The following SLC4A4 variants were observed in gnomAD, a reference collection of about 807,000 sequenced individuals.
SLC4A4 encodes electrogenic sodium bicarbonate cotransporter 1.
Under a neutral mutation model 111.5 loss-of-function variants are expected in SLC4A4, and 27 were observed. The ratio of observed to expected loss-of-function variants is 0.24; its 90% CI spans 0.18 to 0.33. The LOEUF (loss-of-function observed/expected upper bound fraction) is 0.33, where lower values mean the gene tolerates loss of function less well. Ranked by LOEUF, SLC4A4 falls within the 10% of genes least tolerant of loss-of-function variation. The probability of loss-of-function intolerance (pLI) is 1.00; values close to 1 mark genes in which losing one functional copy is unlikely to be tolerated. For missense variants in SLC4A4, 909 were observed against 1,315.5 expected, an observed-to-expected ratio of 0.69 and a Z score of 4.78; for synonymous variants, 443 against 463.4, an observed-to-expected ratio of 0.96 and a Z score of 0.57.
chr4:71,466,590 A>G lies in SLC4A4; in HGVS notation c.1631+13A>G. On this transcript the variant is annotated intron_variant, in intron 13 of 25. Coordinates refer to ENST00000264485, the MANE Select transcript of SLC4A4 (RefSeq NM_001098484.3). ...TTAATTTCAGCAAGTATGTACATAC[A>G]TATTTAATTGCAAATTAGAATTGCT... The G allele has an allele frequency of 1.2e-6, 2 of 1,612,366 alleles. No individual in the cohort carries two copies. The highest frequency in any genetic ancestry group is 2.2e-5 in the East Asian group (1 of 44,740).
intron 2 of SLC4A4, among the ~76,000 whole-genome samples, chr4:71,119,217 C>T (rs1366620209): frequency 2.0e-5 from 3 of 152,122 alleles, no homozygotes; most frequent in East Asian, 1.9e-4. Flanking sequence ...AATAAAGTTG[C>T]CCTAAAACAT....
At chr4:71,482,576 T>TA (rs1476514241) in intron 14 of SLC4A4, among the ~76,000 whole-genome samples, 14 of 151,638 alleles carry the variant, frequency 9.2e-5, no homozygotes, top group Non-Finnish European at 1.3e-4. Flanking sequence ...TCCTTGTTTT[T>TA]ATGCAGAAAA....
intron 3 of SLC4A4, among the ~76,000 whole-genome samples, chr4:71,269,751 A>G (rs1307084860): frequency 6.6e-6 from 1 of 152,190 alleles, no homozygotes; most frequent in East Asian, 1.9e-4. Flanking sequence ...CCCATATTTT[A>G]CAAATGAAGA....
intron 2 of SLC4A4, among the ~76,000 whole-genome samples, chr4:71,129,878 G>A (rs1743656499): frequency 6.7e-6 from 1 of 150,326 alleles, no homozygotes; most frequent in Admixed American, 6.6e-5. Context: ...AACTAACACA[G>A]GAACAGAAAA....
intron 2 of SLC4A4, among the ~76,000 whole-genome samples, chr4:71,156,588 G>GCACACACACACACACACA (rs1553957345): frequency 9.4e-5 from 13 of 138,572 alleles, no homozygotes; most frequent in African/African-American, 3.5e-4. Flanking sequence ...GCGCGCGCGC[G>GCACACACACACACACACA]CACACACACA....
At chr4:71,263,366 G>A (rs569085427) in intron 3 of SLC4A4, among the ~76,000 whole-genome samples, 14 of 152,154 alleles carry the variant, frequency 9.2e-5, no homozygotes, top group South Asian at 4.2e-4. Context: ...TTCAAATGGT[G>A]ACTTACCTCT....
At chr4:71,405,911 G>C (rs1191418747) in intron 7 of SLC4A4, among the ~76,000 whole-genome samples, 1 of 149,066 alleles carries the variant, frequency 6.7e-6, no homozygotes, top group African/African-American at 2.5e-5. Flanking sequence ...CTAATCACTT[G>C]TATTCTGAAG....
At position 71,568,121 on chromosome 4, in the gene SLC4A4, G is replaced by A. The variant is rs1030800159; in HGVS notation, c.*370G>A. 6 of 409,022 alleles carry A rather than the reference G, an allele frequency of 1.5e-5. No homozygotes were observed. The highest frequency in any genetic ancestry group is 2.6e-5 in the Non-Finnish European group (6 of 230,338). The allele number at this position is 409,022 out of a possible 1,614,324, so 25.3% of individuals were successfully genotyped here. ...CTTTTGTTCTTAAACTTTCAGATGT[G>A]TCCTTTGATAACCAAATTCTGTCAC... On this transcript the variant is annotated 3_prime_UTR_variant, in exon 26 of 26. Transcript: ENST00000264485.
At chr4:71,476,414 T>A (rs948159376) in intron 14 of SLC4A4, among the ~76,000 whole-genome samples, 4 of 151,746 alleles carry the variant, frequency 2.6e-5, no homozygotes, top group Non-Finnish European at 4.4e-5. Flanking sequence ...TCAATAATAG[T>A]TAAACTGGCG....
intron 18 of SLC4A4, among the ~76,000 whole-genome samples, chr4:71,536,998 A>C (rs1207013841): frequency 2.6e-5 from 4 of 151,750 alleles, no homozygotes; most frequent in African/African-American, 9.7e-5. Context: ...ATGTATACAC[A>C]CATATACATA....
chr4:71,367,869 A>T (rs1006310939), intron 6 of SLC4A4, among the ~76,000 whole-genome samples: 6 of 152,210 alleles, frequency 3.9e-5, no homozygotes, highest in African/African-American at 9.7e-5. Context: ...CTATAAACTT[A>T]TATTAATTTG....
At chr4:71,192,771 G>T (rs116070088) in intron 1 of SLC4A4, among the ~76,000 whole-genome samples, 2 of 152,246 alleles carry the variant, frequency 1.3e-5, no homozygotes, top group Non-Finnish European at 2.9e-5. Flanking sequence ...TTACCTAAGT[G>T]AACATGTCCA....
intron 2 of SLC4A4, among the ~76,000 whole-genome samples, chr4:71,092,828 G>A (rs1251235198): frequency 2.0e-5 from 3 of 152,182 alleles, no homozygotes; most frequent in Non-Finnish European, 4.4e-5. Flanking sequence ...CGGGTACAGT[G>A]GCTCACGCCT....
intron 12 of SLC4A4, among the ~76,000 whole-genome samples, chr4:71,458,698 T>C (rs1336534433): frequency 6.6e-6 from 1 of 152,018 alleles, no homozygotes; most frequent in Non-Finnish European, 1.5e-5. Flanking sequence ...GTTGGAACTA[T>C]ATCATTTCTT....
rs183957079 is a variant in SLC4A4 at position 71,535,522 on chromosome 4, T to C, written c.2442+1134T>C. Among the ~76,000 whole-genome samples the C allele has an allele frequency of 6.6e-4, 101 of 152,262 alleles. 1 individual carries two copies. Among genetic ancestry groups the C allele is most frequent in the Non-Finnish European group, 1.2e-3 (82 of 68,016 alleles). ...TGGAAGGAGAGAAAGCTGAGATTGATGAACTGGTCCAAAGCATGTGGCTAG... is the reference window on the plus strand; with the variant it reads ...TGGAAGGAGAGAAAGCTGAGATTGACGAACTGGTCCAAAGCATGTGGCTAG... On this transcript the variant is annotated intron_variant, in intron 18 of 25. Transcript: ENST00000264485.
At chr4:71,532,360 G>A (rs1734011633) in intron 17 of SLC4A4, among the ~76,000 whole-genome samples, 185 bp downstream of exon 17, 1 of 151,974 alleles carries the variant, frequency 6.6e-6, no homozygotes, top group South Asian at 2.1e-4. Context: ...TAAATGTCAA[G>A]ACTAGGGTTT....
At chr4:71,261,940 G>A (rs1378538313) in intron 3 of SLC4A4, among the ~76,000 whole-genome samples, 1 of 152,082 alleles carries the variant, frequency 6.6e-6, no homozygotes, top group Non-Finnish European at 1.5e-5. Context: ...GACTTAGGGT[G>A]GAAAATGGGG....
intron 2 of SLC4A4, among the ~76,000 whole-genome samples, chr4:71,146,276 T>C (rs1744164743): frequency 2.0e-5 from 3 of 152,220 alleles, no homozygotes; most frequent in Admixed American, 6.5e-5. Context: ...GTTTCTTAAT[T>C]CTGAGTTCTA....
At chr4:71,244,475 C>T (rs938024553) in intron 2 of SLC4A4, among the ~76,000 whole-genome samples, 3 of 152,124 alleles carry the variant, frequency 2.0e-5, no homozygotes, top group Admixed American at 2.0e-4. Context: ...ATTTCTGAAT[C>T]TCAGTTTTTT....
Sources: allele counts gnomAD v4.1 joint callset (sites outside exome capture counted in the v4.1 genomes callset), GRCh38; gene constraint gnomAD v4.1.1; transcripts MANE v1.5; gene names NCBI Gene and HGNC (gene_info 2026-07-23, HGNC 2026-07-21).